The following INPP5B variants were observed in gnomAD, a reference collection of about 807,000 sequenced individuals.
INPP5B encodes type II inositol 1,4,5-trisphosphate 5-phosphatase.
A neutral mutation model predicts 118.5 loss-of-function variants in INPP5B; 90 were observed. The observed-to-expected ratio is 0.76, with a 90% CI of 0.64 to 0.90. INPP5B has a LOEUF of 0.90. Among genes scored for constraint, INPP5B ranks in the 40% least tolerant of loss-of-function variants. INPP5B has a pLI of 0.00. For missense variants in INPP5B, 984 were observed against 1,125.6 expected (o/e 0.87, Z 1.80); for synonymous variants, 385 against 418.9 (o/e 0.92, Z 0.99).
intron 13 of INPP5B, chr1:37,883,161 C>A (rs561675725): frequency 3.0e-6 from 3 of 985,294 alleles, no homozygotes; most frequent in East Asian, 1.1e-4. Flanking sequence ...CTATTTTATT[C>A]TTGTAGGTTG....
chr1:37,911,462 A>G (rs1644696356), intron 7 of INPP5B, among the ~76,000 whole-genome samples: 1 of 152,054 alleles, frequency 6.6e-6, no homozygotes, highest in South Asian at 2.1e-4. Context: ...CCTCACCCTG[A>G]TAACACTTGG....
intron 7 of INPP5B, among the ~76,000 whole-genome samples, chr1:37,900,317 C>G (rs1414708149): frequency 1.3e-5 from 2 of 150,244 alleles, no homozygotes; most frequent in African/African-American, 2.5e-5. Flanking sequence ...TGCAATGGTG[C>G]GATCTCAACT....
chr1:37,887,862 T>TA (rs59009767), intron 10 of INPP5B, among the ~76,000 whole-genome samples: 13 of 148,672 alleles, frequency 8.7e-5, no homozygotes, highest in South Asian at 4.2e-4. Flanking sequence ...ATGAGAAGAT[T>TA]AAAAAAAAAA....
At chr1:37,899,627 A>G (rs1644254942) in intron 7 of INPP5B, among the ~76,000 whole-genome samples, 1 of 152,188 alleles carries the variant, frequency 6.6e-6, no homozygotes, top group Admixed American at 6.5e-5. Flanking sequence ...TAACAGTTCT[A>G]CTTAAGTAGT....
At position 37,861,371 on chromosome 1, in the gene INPP5B, A is replaced by T. The variant is rs1031794810; in HGVS notation, c.*944T>A. ...TTCCATCAAATATCTGATCATGGGG[A>T]TCTCAGCCCAGACTGACTATGCCCT... is the stretch of plus-strand genomic sequence containing the variant. On this transcript the variant is annotated 3_prime_UTR_variant, in exon 24 of 24. Coordinates refer to ENST00000373024, the MANE Select transcript of INPP5B (RefSeq NM_005540.3). The T allele has an allele frequency of 6.6e-6, 1 of 152,230 alleles. No individual in the cohort carries two copies. Among genetic ancestry groups the T allele is most frequent in the Non-Finnish European group, 1.5e-5 (1 of 68,050 alleles). 9.4% of individuals were successfully genotyped at this position (152,230 alleles called of 1,614,324 possible). A position where few individuals can be genotyped will look rare whatever the true frequency, so the allele number is the denominator to read the frequency against.
intron 9 of INPP5B, among the ~76,000 whole-genome samples, chr1:37,888,657 A>C (rs1643674401): frequency 6.6e-6 from 1 of 152,234 alleles, no homozygotes; most frequent in Non-Finnish European, 1.5e-5. Context: ...TGAAATGAAA[A>C]AATGAAAAGT....
chr1:37,938,814 T>C (rs1347691122), intron 6 of INPP5B, among the ~76,000 whole-genome samples: 1 of 152,212 alleles, frequency 6.6e-6, no homozygotes, highest in East Asian at 1.9e-4. Flanking sequence ...CCCAGCACTT[T>C]GGGAGACCAA....
chr1:37,883,845 C>A, intron 13 of INPP5B: 1 of 985,440 alleles, frequency 1.0e-6, no homozygotes, highest in Non-Finnish European at 1.2e-6. Context: ...TGGCAGATAT[C>A]ACGGCCCCAG....
chr1:37,910,543 A>G (rs1405168447), intron 7 of INPP5B, among the ~76,000 whole-genome samples: 1 of 151,774 alleles, frequency 6.6e-6, no homozygotes, highest in Non-Finnish European at 1.5e-5. Context: ...CTTAATCCAC[A>G]AGTATAGGAC....
At chr1:37,944,896 A>C (rs1296282942) in intron 3 of INPP5B, among the ~76,000 whole-genome samples, 1 of 152,144 alleles carries the variant, frequency 6.6e-6, no homozygotes, top group Non-Finnish European at 1.5e-5. Flanking sequence ...TGGAATTACA[A>C]GCATGAGCTA....
chr1:37,889,361 C>T (rs1643709893), intron 9 of INPP5B, among the ~76,000 whole-genome samples, 196 bp downstream of exon 9: 1 of 152,226 alleles, frequency 6.6e-6, no homozygotes. Flanking sequence ...CCACACCTAT[C>T]ACCGTGCCCA....
Position 37,943,802 on chromosome 1 carries a change from C to G in INPP5B, c.244G>C (p.Glu82Gln), listed in dbSNP as rs769323470. ...ACCCAGCCCCCTGTGGCACCTTCTT[C>G]CAGCGTAAAATCCCGCGAGACTGGC... ...IVPVSRDFTL[E>Q]EVSPDGELYI... is the part of the protein sequence containing the mutation. Residue 82 changes from glutamate to glutamine, a missense_variant, in exon 4 of 24, where the codon GAA becomes CAA. Glu to Gln is a conservative substitution (Grantham distance 29). This residue lies in a region of INPP5B where 350 missense variants were observed against 334.6 expected (regional missense o/e 1.05). Coordinates refer to ENST00000373024, the MANE Select transcript of INPP5B (RefSeq NM_005540.3). The G allele has an allele frequency of 6.2e-7, 1 of 1,614,050 alleles. No individual in the cohort carries two copies. The highest frequency in any genetic ancestry group is 8.5e-7 in the Non-Finnish European group (1 of 1,179,924).
chr1:37,863,060 A>G (rs1189831935), intron 23 of INPP5B, among the ~76,000 whole-genome samples: 2 of 152,088 alleles, frequency 1.3e-5, no homozygotes, highest in Non-Finnish European at 2.9e-5. Flanking sequence ...ATGAGGTTCC[A>G]TGAGCGTGGT....
chr1:37,871,080 C>T (rs1191657723), intron 19 of INPP5B, among the ~76,000 whole-genome samples: 1 of 151,270 alleles, frequency 6.6e-6, no homozygotes, highest in African/African-American at 2.4e-5. Flanking sequence ...TCGCTTGCAA[C>T]CTGGACGGCA....
chr1:37,930,144 C>G (rs1645394956), intron 7 of INPP5B: 2 of 152,174 alleles, frequency 1.3e-5, no homozygotes, highest in Admixed American at 1.3e-4. Flanking sequence ...GCACATCACC[C>G]TCAAACTCCT....
Position 37,861,990 on chromosome 1 carries a change from C to A in INPP5B, c.*325G>T. 1 of 195,580 alleles carries A rather than the reference C, an allele frequency of 5.1e-6. No homozygotes were observed. The highest frequency in any genetic ancestry group is 1.1e-5 in the Non-Finnish European group (1 of 94,806). 12.1% of individuals were successfully genotyped at this position (195,580 alleles called of 1,614,324 possible). A position where few individuals can be genotyped will look rare whatever the true frequency, so the allele number is the denominator to read the frequency against. On this transcript the variant is annotated 3_prime_UTR_variant, in exon 24 of 24. Transcript: ENST00000373024. ...GGCAGAGGTTGCAGTGAGCCGAGAT[C>A]GTGCCACCGCACTCCACCCTGCGCG...
chr1:37,933,892 A>G (rs1050711711), intron 6 of INPP5B, among the ~76,000 whole-genome samples: 2 of 145,680 alleles, frequency 1.4e-5, no homozygotes, highest in Non-Finnish European at 3.0e-5. Context: ...CATTACTTCA[A>G]TTTTTATTTT....
intron 1 of INPP5B, among the ~76,000 whole-genome samples, chr1:37,946,765 T>TC (rs35671849): frequency 6.6e-6 from 1 of 152,094 alleles, no homozygotes; most frequent in Non-Finnish European, 1.5e-5. Context: ...TCAGGGAACA[T>TC]CCCCTTACTG....
rs1205607316 is a variant in INPP5B, at chr1:37,878,336, G to A, written c.1542-13C>T. The A allele has an allele frequency of 6.2e-7, 1 of 1,613,618 alleles. No homozygotes were observed. Among genetic ancestry groups the A allele is most frequent in the Admixed American group, 1.7e-5 (1 of 60,010 alleles). The stretch of plus-strand genomic sequence containing the variant: ...ACGGCACTTCTCACTGAAATGCAAA[G>A]TCCACACTGGAAGTACTCACAGAAA... On this transcript the variant is annotated splice_polypyrimidine_tract_variant and intron_variant, in intron 15 of 23. Transcript: ENST00000373024.
Sources: allele counts gnomAD v4.1 joint callset (sites outside exome capture counted in the v4.1 genomes callset), GRCh38; gene constraint gnomAD v4.1.1; regional missense constraint gnomAD v4.1.1; transcripts MANE v1.5; gene names NCBI Gene and HGNC (gene_info 2026-07-23, HGNC 2026-07-21).